The following GALNT17 variants were observed in gnomAD, a reference collection of about 807,000 sequenced individuals.
The protein encoded by GALNT17 is UDP-GalNAc:polypeptide N-acetylgalactosaminyltransferase-like 3.
In GALNT17, 29 loss-of-function variants were observed where a neutral mutation model predicts 63.7. The observed-to-expected ratio is 0.46, with a 90% CI of 0.34 to 0.62. The LOEUF (loss-of-function observed/expected upper bound fraction) is 0.62. GALNT17 is among the 20% of genes least tolerant of loss of function. The pLI, the probability that GALNT17 is intolerant of heterozygous loss-of-function variation, is 0.01. For synonymous variants in GALNT17, 305 were observed against 318.3 expected (o/e 0.96, Z 0.45); for missense variants, 603 against 799.6 (o/e 0.75, Z 2.97).
At chr7:71,348,765 A>C (rs943774524) in intron 2 of GALNT17, among the ~76,000 whole-genome samples, 8 of 152,196 alleles carry the variant, frequency 5.3e-5, no homozygotes, top group African/African-American at 1.9e-4. Flanking sequence ...AGGAGGGGCT[A>C]GCTCATCTCA....
intron 5 of GALNT17, among the ~76,000 whole-genome samples, chr7:71,482,427 G>T (rs191941183): frequency 6.6e-6 from 1 of 152,160 alleles, no homozygotes; most frequent in South Asian, 2.1e-4. Context: ...TGGGATTACA[G>T]GTGTGAGCCA....
At chr7:71,142,927 C>T (rs920930620) in intron 1 of GALNT17, among the ~76,000 whole-genome samples, 10 of 130,002 alleles carry the variant, frequency 7.7e-5, no homozygotes, top group South Asian at 2.6e-4. Context: ...GGCGACAGGG[C>T]GAGACTCTTG....
intron 1 of GALNT17, among the ~76,000 whole-genome samples, chr7:71,311,357 G>A (rs950333543): frequency 5.9e-5 from 9 of 152,168 alleles, no homozygotes; most frequent in Admixed American, 2.0e-4. Flanking sequence ...AAGCCATACC[G>A]GAATGGGGCT....
intron 1 of GALNT17, among the ~76,000 whole-genome samples, chr7:71,303,545 A>G (rs1791238016): frequency 6.6e-6 from 1 of 152,142 alleles, no homozygotes; most frequent in African/African-American, 2.4e-5. Flanking sequence ...TGAAGATGAA[A>G]AATTCATGGT....
At chr7:71,144,864 G>A (rs1042136173) in intron 1 of GALNT17, among the ~76,000 whole-genome samples, 4 of 152,158 alleles carry the variant, frequency 2.6e-5, no homozygotes, top group Non-Finnish European at 4.4e-5. Context: ...AAGTAGCTGG[G>A]ACTACAGGTG....
chr7:71,302,968 A>C (rs1403244866), intron 1 of GALNT17, among the ~76,000 whole-genome samples: 2 of 151,836 alleles, frequency 1.3e-5, no homozygotes, highest in African/African-American at 4.8e-5. Flanking sequence ...GGGTTCAAGC[A>C]ATTCTCCTGC....
chr7:71,224,403 C>T (rs542057103), intron 1 of GALNT17, among the ~76,000 whole-genome samples: 25 of 152,210 alleles, frequency 1.6e-4, no homozygotes, highest in African/African-American at 6.0e-4. Context: ...ATGATGTTTT[C>T]CATTATTTTA....
At chr7:71,316,045 A>G (rs2115969891) in intron 1 of GALNT17, among the ~76,000 whole-genome samples, 1 of 152,284 alleles carries the variant, frequency 6.6e-6, no homozygotes, top group South Asian at 2.1e-4. Context: ...AAGGTAATGC[A>G]ACAAGCAAGC....
chr7:71,152,821 C>T (rs1469170048), intron 1 of GALNT17, among the ~76,000 whole-genome samples: 5 of 151,892 alleles, frequency 3.3e-5, no homozygotes, highest in South Asian at 2.1e-4. Flanking sequence ...TTAGTAGAGA[C>T]GGGGTCTCAC....
chr7:71,625,576 A>G (rs950950529), intron 6 of GALNT17, among the ~76,000 whole-genome samples: 7 of 152,124 alleles, frequency 4.6e-5, no homozygotes, highest in African/African-American at 1.4e-4. Flanking sequence ...GTGATCATGT[A>G]ATGGAAGCCT....
chr7:71,188,639 T>C (rs547013570), intron 1 of GALNT17, among the ~76,000 whole-genome samples: 8 of 152,352 alleles, frequency 5.3e-5, no homozygotes, highest in African/African-American at 1.9e-4. Context: ...TAATCCTTTG[T>C]CGGTTGTGTA....
intron 2 of GALNT17, among the ~76,000 whole-genome samples, chr7:71,367,327 A>G (rs962943237): frequency 5.9e-5 from 9 of 152,172 alleles, no homozygotes; most frequent in Non-Finnish European, 1.3e-4. Context: ...CAAAAAACAT[A>G]TAGGTGGAAA....
intron 6 of GALNT17, among the ~76,000 whole-genome samples, chr7:71,625,043 G>A (rs1338028131): frequency 6.6e-6 from 1 of 152,170 alleles, no homozygotes; most frequent in Non-Finnish European, 1.5e-5. Context: ...GTAGAGCCCT[G>A]AAAAGCTCTC....
intron 1 of GALNT17, among the ~76,000 whole-genome samples, chr7:71,312,085 C>A (rs1209239489): frequency 6.6e-6 from 1 of 152,216 alleles, no homozygotes; most frequent in Non-Finnish European, 1.5e-5. Context: ...CTCCTGTTTT[C>A]TAGAAATTTC....
At chr7:71,269,533 G>A (rs1440937837) in intron 1 of GALNT17, among the ~76,000 whole-genome samples, 1 of 152,122 alleles carries the variant, frequency 6.6e-6, no homozygotes, top group African/African-American at 2.4e-5. Context: ...CCTTGGTCTT[G>A]GAGGAGGCAG....
chr7:71,596,153 C>T (rs1789881893), intron 6 of GALNT17, among the ~76,000 whole-genome samples: 1 of 152,160 alleles, frequency 6.6e-6, no homozygotes. Context: ...ATTCTCCTGC[C>T]TCAGCCTCCC....
At chr7:71,665,362 A>G in intron 6 of GALNT17, 49 bp from the exon 7 acceptor site, 1 of 1,560,116 alleles carries the variant, frequency 6.4e-7, no homozygotes, top group African/African-American at 1.4e-5. Flanking sequence ...GAGGGGGCAT[A>G]GCCTCTGGGA....
intron 5 of GALNT17, among the ~76,000 whole-genome samples, chr7:71,451,054 A>T (rs1336176596): frequency 6.6e-6 from 1 of 151,708 alleles, no homozygotes; most frequent in Non-Finnish European, 1.5e-5. Flanking sequence ...CACATTAGGT[A>T]TATCTCCTAA....
chr7:71,244,038 G>A (rs553138534), intron 1 of GALNT17, among the ~76,000 whole-genome samples: 3 of 152,182 alleles, frequency 2.0e-5, no homozygotes, highest in Non-Finnish European at 4.4e-5. Context: ...CAGGGTTAGA[G>A]GTGGCGTTTT....
Sources: gnomAD v4.1 joint callset for allele counts (sites outside exome capture counted in the v4.1 genomes callset) on GRCh38, gnomAD v4.1.1 for gene constraint, MANE v1.5 for transcripts, NCBI Gene and HGNC (gene_info 2026-07-23, HGNC 2026-07-21) for gene names.